TINAG: variants seen among roughly 807,000 people sequenced by gnomAD.
The protein encoded by TINAG is tubulointerstitial nephritis antigen.
Under a neutral mutation model 72.7 loss-of-function variants are expected in TINAG, and 83 were observed. The ratio of observed to expected loss-of-function variants is 1.14; its 90% CI spans 0.96 to 1.37. The LOEUF (loss-of-function observed/expected upper bound fraction) is 1.37, where lower values mean the gene tolerates loss of function less well. Among genes scored for constraint, TINAG ranks in the 40% most tolerant of loss-of-function variants. TINAG has a pLI of 0.00. For missense variants in TINAG, 685 were observed against 576.6 expected (o/e 1.19, Z -1.93); for synonymous variants, 234 against 189.9 (o/e 1.23, Z -1.91).
intron 1 of TINAG, among the ~76,000 whole-genome samples, chr6:54,314,541 C>CA (rs566630916): frequency 9.4e-4 from 141 of 149,354 alleles, no homozygotes; most frequent in Non-Finnish European, 1.7e-3. Context: ...GGTTCTGTTA[C>CA]AAAAAAAAAG....
At chr6:54,384,407 A>G (rs1391236940) in intron 10 of TINAG, among the ~76,000 whole-genome samples, 1 of 152,142 alleles carries the variant, frequency 6.6e-6, no homozygotes, top group East Asian at 1.9e-4. Context: ...ATCACACTCA[A>G]ACTTTTCACG....
intron 9 of TINAG, among the ~76,000 whole-genome samples, chr6:54,358,086 C>T (rs941260327): frequency 6.6e-6 from 1 of 151,742 alleles, no homozygotes; most frequent in African/African-American, 2.4e-5. Context: ...GCCTTTCCCT[C>T]TACCTAAAAT....
intron 9 of TINAG, among the ~76,000 whole-genome samples, chr6:54,366,793 T>C (rs574912964): frequency 2.2e-4 from 33 of 151,588 alleles, no homozygotes; most frequent in African/African-American, 7.5e-4. Flanking sequence ...GTCAGGCAAG[T>C]AGAAAGTATT....
intron 8 of TINAG, 102 bp from the exon 9 acceptor site, chr6:54,354,411 C>T (rs1280169361): frequency 1.9e-6 from 2 of 1,069,130 alleles, no homozygotes; most frequent in East Asian, 2.6e-5. Flanking sequence ...TTAGATTCAT[C>T]TCCTTGCAAT....
intron 9 of TINAG, among the ~76,000 whole-genome samples, chr6:54,361,632 T>C (rs1043542840): frequency 6.6e-6 from 1 of 151,652 alleles, no homozygotes; most frequent in Non-Finnish European, 1.5e-5. Flanking sequence ...AGCCAAACCA[T>C]ATCAGAGTAG....
chr6:54,320,020 A>C (rs1274157648), intron 1 of TINAG, among the ~76,000 whole-genome samples: 2 of 152,132 alleles, frequency 1.3e-5, no homozygotes, highest in Non-Finnish European at 2.9e-5. Flanking sequence ...ACAGTTAAGA[A>C]ACATTTGGAT....
chr6:54,382,938 A>T (rs1019155872), intron 10 of TINAG, among the ~76,000 whole-genome samples: 1 of 152,146 alleles, frequency 6.6e-6, no homozygotes, highest in African/African-American at 2.4e-5. Context: ...GAATATAAAC[A>T]TATCTTTCCA....
chr6:54,365,833 G>A (rs559439790), intron 9 of TINAG, among the ~76,000 whole-genome samples: 9 of 151,574 alleles, frequency 5.9e-5, no homozygotes, highest in African/African-American at 2.2e-4. Flanking sequence ...TCTCTCTTTA[G>A]AGAGTCTTCA....
chr6:54,313,499 T>C (rs1229986454), intron 1 of TINAG, among the ~76,000 whole-genome samples: 1 of 152,168 alleles, frequency 6.6e-6, no homozygotes, highest in African/African-American at 2.4e-5. Context: ...ATTGAATACT[T>C]ACTATGGAGC....
chr6:54,384,674 C>T (rs768902037), intron 10 of TINAG, among the ~76,000 whole-genome samples: 24 of 152,036 alleles, frequency 1.6e-4, no homozygotes, highest in Middle Eastern at 3.4e-3. Context: ...AATTAAAGCA[C>T]GTTTGGACAA....
intron 4 of TINAG, among the ~76,000 whole-genome samples, chr6:54,338,737 A>G (rs1043914239): frequency 2.7e-4 from 41 of 151,436 alleles, no homozygotes; most frequent in African/African-American, 9.4e-4. Flanking sequence ...AAAAAAAAAA[A>G]AAAAAAGACT....
In TINAG at chr6:54,349,812, G is replaced by T. The variant is rs755603774; in HGVS notation, c.996G>T (p.Arg332=). The change falls in exon 7 of 11, where the codon CGG becomes CGT. Residue 332 remains arginine, a synonymous_variant. Coordinates refer to ENST00000259782, the MANE Select transcript of TINAG (RefSeq NM_014464.4). ...GCAGGTCTGATGGGCGAGGAAAACG[G>T]CATGCCACGAAGCCATGTCCCAACA... is the stretch of plus-strand genomic sequence containing the variant. ...MASRSDGRGK[R]HATKPCPNNV... is the part of the protein sequence containing the mutation. 3 of 1,610,566 alleles carry T rather than the reference G, an allele frequency of 1.9e-6. No individual in the cohort carries two copies. Among genetic ancestry groups the T allele is most frequent in the South Asian group, 2.2e-5 (2 of 90,680 alleles).
At chr6:54,312,552 C>T (rs1427684596) in intron 1 of TINAG, among the ~76,000 whole-genome samples, 2 of 151,972 alleles carry the variant, frequency 1.3e-5, no homozygotes, top group African/African-American at 2.4e-5. Flanking sequence ...GTTTTTGCTA[C>T]ATTTAACAGG....
At chr6:54,378,921 A>G (rs1271770868) in intron 9 of TINAG, among the ~76,000 whole-genome samples, 2 of 152,060 alleles carry the variant, frequency 1.3e-5, no homozygotes, top group East Asian at 3.9e-4. Context: ...AATACATTAT[A>G]TTTTGTGTGT....
In TINAG at chr6:54,371,987, T is replaced by G. The variant is rs1442731078; in HGVS notation, c.1251-8539T>G. Among the ~76,000 whole-genome samples, 816 of 113,374 alleles carry G rather than the reference T, an allele frequency of 7.2e-3. 13 individuals carry two copies. The highest frequency in any genetic ancestry group is 0.033 in the African/African-American group (777 of 23,408). 74.4% of individuals were successfully genotyped at this position (113,374 alleles called of 152,430 possible). On this transcript the variant is annotated intron_variant, in intron 9 of 10. Transcript: ENST00000259782. ...AAAATGGCTTTCAAGTCATGTTTTT[T>G]TTTTTTTTTTTTTTTTTTTTTGAGA...
chr6:54,317,490 T>A (rs1784399097), intron 1 of TINAG, among the ~76,000 whole-genome samples: 1 of 152,126 alleles, frequency 6.6e-6, no homozygotes, highest in Admixed American at 6.6e-5. Context: ...AAGCTCTCTC[T>A]TGCCTGCCAC....
chr6:54,321,788 A>G (rs1230531590), intron 3 of TINAG, among the ~76,000 whole-genome samples: 1 of 152,198 alleles, frequency 6.6e-6, no homozygotes, highest in African/African-American at 2.4e-5. Flanking sequence ...TGACCTTACA[A>G]GGATGATATT....
intron 10 of TINAG, 64 bp from the exon 11 acceptor site, chr6:54,389,727 T>A: frequency 6.5e-7 from 1 of 1,535,534 alleles, no homozygotes; most frequent in Non-Finnish European, 8.7e-7. Context: ...GAGTTCTCCA[T>A]GGCTTTTTTT....
intron 3 of TINAG, among the ~76,000 whole-genome samples, chr6:54,322,055 A>C (rs546535871): frequency 1.3e-5 from 2 of 152,280 alleles, no homozygotes; most frequent in Non-Finnish European, 2.9e-5. Flanking sequence ...TAATCCCAGC[A>C]CTTTGGGAGG....
Sources: allele counts gnomAD v4.1 joint callset (sites outside exome capture counted in the v4.1 genomes callset), GRCh38; gene constraint gnomAD v4.1.1; transcripts MANE v1.5; gene names NCBI Gene and HGNC (gene_info 2026-07-23, HGNC 2026-07-21).